Variants in STARD6 observed in about 807,000 individuals in gnomAD.
The protein encoded by STARD6 is StAR related lipid transfer domain containing 6.
Under a neutral mutation model 22.3 loss-of-function variants are expected in STARD6, and 21 were observed. That is an observed-to-expected ratio of 0.94 (90% CI 0.67 to 1.35). The LOEUF is 1.35. Ranked by LOEUF, STARD6 falls within the 40% of genes most tolerant of loss-of-function variation. STARD6 has a pLI of 0.00. For missense variants in STARD6, 269 were observed against 266.9 expected (o/e 1.01, Z -0.05); for synonymous variants, 80 against 88.1 (o/e 0.91, Z 0.52).
intron 4 of STARD6, among the ~76,000 whole-genome samples, chr18:54,340,608 A>C (rs2088960974): frequency 6.6e-6 from 1 of 152,214 alleles, no homozygotes; most frequent in African/African-American, 2.4e-5. Flanking sequence ...TGAATACGGC[A>C]GACATAAATA....
intron 4 of STARD6, among the ~76,000 whole-genome samples, chr18:54,343,387 C>A (rs1359374853): frequency 4.2e-5 from 6 of 143,326 alleles, no homozygotes; most frequent in African/African-American, 2.6e-5. Context: ...CAGCCCCCCG[C>A]CCGGCCAGCC....
rs1230507982 is a variant in STARD6 at position 54,343,385 on chromosome 18, C to T, written c.141-6134G>A. ...GGAGGGAGGTGGGGGGTCAGCCCCC[C>T]GCCCGGCCAGCCGTGCCATCCGGGA... On this transcript the variant is annotated intron_variant, in intron 4 of 7. Transcript: ENST00000307844. Among the ~76,000 whole-genome samples the T allele has an allele frequency of 1.2e-4, 17 of 142,418 alleles. 1 individual carries two copies. Among genetic ancestry groups the T allele is most frequent in the East Asian group, 6.3e-4 (3 of 4,788 alleles). The allele number at this position is 142,418 out of a possible 152,430, so 93.4% of individuals were successfully genotyped here.
At chr18:54,328,192 A>G (rs1176387354) in intron 7 of STARD6, among the ~76,000 whole-genome samples, 1 of 152,174 alleles carries the variant, frequency 6.6e-6, no homozygotes, top group African/African-American at 2.4e-5. Flanking sequence ...TGGGGGAACT[A>G]CTGTCCTTAC....
At chr18:54,352,887 C>G (rs781094479) in intron 4 of STARD6, among the ~76,000 whole-genome samples, 1 of 152,190 alleles carries the variant, frequency 6.6e-6, no homozygotes, top group Admixed American at 6.5e-5. Context: ...GCTGTCTACA[C>G]TGGTCTGATC....
Position 54,324,699 on chromosome 18 carries a change from T to C in STARD6, c.656A>G (p.His219Arg). ...TCATTTCTTCTTTTGGTATCATGAA[T>C]GACTATTATGATGAAATCCACGTCT... ...PSRRGFHHNS[H>R]S The change falls in exon 8 of 8, where the codon CAT becomes CGT. Residue 219 changes from histidine (H) to arginine (R), a missense_variant. Coordinates refer to ENST00000307844, the MANE Select transcript of STARD6 (RefSeq NM_139171.2). 6.2e-7 allele frequency: 1 copy of C among 1,613,002 alleles called. No homozygotes were observed. Among genetic ancestry groups the C allele is most frequent in the South Asian group, 1.1e-5 (1 of 90,950 alleles).
At chr18:54,350,701 A>G (rs551394310) in intron 4 of STARD6, among the ~76,000 whole-genome samples, 1 of 152,224 alleles carries the variant, frequency 6.6e-6, no homozygotes, top group South Asian at 2.1e-4. Context: ...TTCTACATGT[A>G]GCTTGCCAAT....
chr18:54,329,294 A>T, intron 7 of STARD6, 53 bp downstream of exon 7: 1 of 1,414,060 alleles, frequency 7.1e-7, no homozygotes, highest in Non-Finnish European at 9.6e-7. Context: ...AAACTAAATC[A>T]CAAGTTGAAC....
At chr18:54,338,956 G>A (rs949903674) in intron 4 of STARD6, among the ~76,000 whole-genome samples, 32 of 147,244 alleles carry the variant, frequency 2.2e-4, no homozygotes, top group African/African-American at 7.9e-4. Flanking sequence ...GCTGAGGCAG[G>A]AGAATCGCTT....
chr18:54,350,866 T>C (rs1477837976), intron 4 of STARD6, among the ~76,000 whole-genome samples: 2 of 152,130 alleles, frequency 1.3e-5, no homozygotes, highest in African/African-American at 4.8e-5. Flanking sequence ...ACTAGTCCCA[T>C]GGTGTTTGGT....
rs778304973 is a variant in STARD6, at chr18:54,337,180, C to G, written c.212G>C (p.Arg71Thr). 1 of 1,613,476 alleles carries G rather than the reference C, an allele frequency of 6.2e-7. No homozygotes were observed. Among genetic ancestry groups the G allele is most frequent in the East Asian group, 2.2e-5 (1 of 44,758 alleles). The change falls in exon 5 of 8, where the codon AGA (arginine) becomes ACA (threonine). Residue 71 changes from arginine to threonine, a missense_variant. Arg to Thr is a moderately conservative substitution (Grantham distance 71). Coordinates refer to ENST00000307844, the MANE Select transcript of STARD6 (RefSeq NM_139171.2). ...TTGCAATGATTTATCCCATGTAATT[C>G]TGTCTCCAGTTTGGTAGAGGAAATC... is the stretch of plus-strand genomic sequence containing the variant. ...LSDFLYQTGD[R>T]ITWDKSLQVY...
rs781433284 is a variant in STARD6, at chr18:54,337,194, G to A, written c.198C>T (p.Tyr66=). The change falls in exon 5 of 8, where the codon TAC becomes TAT. Residue 66 remains tyrosine (Y), a synonymous_variant. Coordinates refer to ENST00000307844, the MANE Select transcript of STARD6 (RefSeq NM_139171.2). ...CCCATGTAATTCTGTCTCCAGTTTG[G>A]TAGAGGAAATCAGATAGTTTAGCTG... is the stretch of plus-strand genomic sequence containing the variant. ...ESPAKLSDFL[Y]QTGDRITWDK... is the part of the protein sequence containing the mutation. 14 of 1,613,264 alleles carry A rather than the reference G, an allele frequency of 8.7e-6. No homozygotes were observed. Among genetic ancestry groups the A allele is most frequent in the Non-Finnish European group, 1.2e-5 (14 of 1,179,454 alleles).
chr18:54,345,036 G>A (rs1339927721), intron 4 of STARD6, among the ~76,000 whole-genome samples: 1 of 152,090 alleles, frequency 6.6e-6, no homozygotes, highest in Non-Finnish European at 1.5e-5. Flanking sequence ...TTGTATTGGA[G>A]GTACTAGCCC....
At chr18:54,345,132 GA>G (rs987589527) in intron 4 of STARD6, among the ~76,000 whole-genome samples, 7 of 151,730 alleles carry the variant, frequency 4.6e-5, no homozygotes, top group Non-Finnish European at 8.8e-5. Flanking sequence ...TTTATATATA[GA>G]AAAAAACAAC....
chr18:54,329,252 C>T, intron 7 of STARD6, 95 bp downstream of exon 7: 1 of 935,400 alleles, frequency 1.1e-6, no homozygotes, highest in Non-Finnish European at 1.6e-6. Context: ...GAATATGCTG[C>T]TACATATTTC....
chr18:54,326,047 C>T (rs574315523), intron 7 of STARD6, among the ~76,000 whole-genome samples: 83 of 152,168 alleles, frequency 5.5e-4, no homozygotes, highest in African/African-American at 1.7e-3. Flanking sequence ...GCATTTTTTC[C>T]GTAATCAGAT....
chr18:54,336,273 G>A (rs1362747592), intron 5 of STARD6, among the ~76,000 whole-genome samples: 3 of 152,064 alleles, frequency 2.0e-5, no homozygotes, highest in Non-Finnish European at 4.4e-5. Flanking sequence ...CTTTACTGAT[G>A]TGGTTTGGCT....
rs2144704138 is a variant in STARD6, at chr18:54,357,051, T to C, written c.-88-607A>G. 1.3e-5 allele frequency: 2 copies of C among 152,362 alleles called. 1 individual carries two copies. Among genetic ancestry groups the C allele is most frequent in the South Asian group, 4.1e-4 (2 of 4,828 alleles). The allele number at this position is 152,362 out of a possible 1,614,324, so 9.4% of individuals were successfully genotyped here. ...TGCAAACAGTAAGACTACAATTGTA[T>C]TACATGGTGGTGGAACGTCGGATGA... On this transcript the variant is annotated intron_variant, in intron 1 of 7. Coordinates refer to ENST00000307844, the MANE Select transcript of STARD6 (RefSeq NM_139171.2).
intron 4 of STARD6, among the ~76,000 whole-genome samples, chr18:54,342,829 C>T (rs1222697236): frequency 5.0e-5 from 1 of 20,170 alleles, no homozygotes; most frequent in Non-Finnish European, 8.8e-5. Flanking sequence ...ACCTCCCAGC[C>T]GCCTGCCTTG....
Position 54,354,514 on chromosome 18 carries a change from ATC to A in STARD6, c.58_59del (p.Asp20TyrfsTer8), listed in dbSNP as rs1568175691. ...TAQEVLGYNR[D>X]TSGWKVVKTS... Reference sequence around the variant, plus strand: ...TTTTAACCACTTTCCAGCCTGATGTATCTCGATTATAACCTAAAACTTCTTGG... The same window carrying A: ...TTTTAACCACTTTCCAGCCTGATGTATCGATTATAACCTAAAACTTCTTGG... On this transcript the variant is annotated frameshift_variant, in exon 3 of 8. Coordinates refer to ENST00000307844, the MANE Select transcript of STARD6 (RefSeq NM_139171.2). 1 of 1,613,664 alleles carries A rather than the reference ATC, an allele frequency of 6.2e-7. No individual in the cohort carries two copies. The highest frequency in any genetic ancestry group is 8.5e-7 in the Non-Finnish European group (1 of 1,179,764).
Sources: gnomAD v4.1 joint callset for allele counts (sites outside exome capture counted in the v4.1 genomes callset) on GRCh38, gnomAD v4.1.1 for gene constraint, MANE v1.5 for transcripts, NCBI Gene and HGNC (gene_info 2026-07-23, HGNC 2026-07-21) for gene names.